The following ACBD7 variants were observed in gnomAD, a reference collection of about 807,000 sequenced individuals.
ACBD7 encodes acyl-CoA-binding domain-containing protein 7.
A neutral mutation model predicts 13.7 loss-of-function variants in ACBD7; 11 were observed. That is an observed-to-expected ratio of 0.80 (90% CI 0.50 to 1.33). ACBD7 has a LOEUF of 1.33. ACBD7 is among the 40% of genes most tolerant of loss of function. The pLI, the probability that ACBD7 is intolerant of heterozygous loss-of-function variation, is 0.00. For synonymous variants in ACBD7, 43 were observed against 37.7 expected (o/e 1.14, Z -0.51); for missense variants, 111 against 103.0 (o/e 1.08, Z -0.33).
chr10:15,088,455 G>A (rs576041752), intron 1 of ACBD7: 51 of 531,582 alleles, frequency 9.6e-5, no homozygotes, highest in African/African-American at 9.5e-4. Flanking sequence ...GGCCCGCTCC[G>A]TGCTCCCCGG....
At chr10:15,083,736 G>T (rs1844775718) in intron 1 of ACBD7, among the ~76,000 whole-genome samples, 1 of 152,208 alleles carries the variant, frequency 6.6e-6, no homozygotes, top group South Asian at 2.1e-4. Context: ...GCCTACCTCT[G>T]CTTCCCAAAG....
At chr10:15,078,645 G>A (rs993502907) in intron 3 of ACBD7, 42 bp from the exon 4 acceptor site, 1 of 1,613,952 alleles carries the variant, frequency 6.2e-7, no homozygotes, top group African/African-American at 1.3e-5. Context: ...TTGGTGCACT[G>A]GGAAATTAAG....
chr10:15,087,332 C>T (rs1283950287), intron 1 of ACBD7, among the ~76,000 whole-genome samples: 1 of 152,210 alleles, frequency 6.6e-6, no homozygotes, highest in Non-Finnish European at 1.5e-5. Flanking sequence ...GAGAGGTTAA[C>T]TATGTCACAG....
At position 15,078,654 on chromosome 10, in the gene ACBD7, A is replaced by T. The variant is rs376499940; in HGVS notation, c.193+37T>A. The T allele has an allele frequency of 1.4e-5, 22 of 1,613,998 alleles. No homozygotes were observed. The African/African-American group carries it at 2.5e-4, about 19-fold the overall frequency. ...CCCTGATTGGTGCACTGGGAAATTAAGAAAGTTTGCTTTAAACTTGTGAAA... is the reference window on the plus strand; with the variant it reads ...CCCTGATTGGTGCACTGGGAAATTATGAAAGTTTGCTTTAAACTTGTGAAA... On this transcript the variant is annotated intron_variant, in intron 3 of 3. Coordinates refer to ENST00000356189, the MANE Select transcript of ACBD7 (RefSeq NM_001039844.3).
Position 15,076,389 on chromosome 10 carries a change from A to G in ACBD7, c.*2141T>C. 1 of 985,126 alleles carries G rather than the reference A, an allele frequency of 1.0e-6. No homozygotes were observed. Among genetic ancestry groups the G allele is most frequent in the Non-Finnish European group, 1.2e-6 (1 of 829,686 alleles). 61.0% of individuals were successfully genotyped at this position (985,126 alleles called of 1,614,324 possible). A position where few individuals can be genotyped will look rare whatever the true frequency, so the allele number is the denominator to read the frequency against. On this transcript the variant is annotated 3_prime_UTR_variant, in exon 4 of 4. Coordinates refer to ENST00000356189, the MANE Select transcript of ACBD7 (RefSeq NM_001039844.3). The stretch of plus-strand genomic sequence containing the variant: ...GTAGTGGTACAGTTTATCACTAGAT[A>G]CATTTTAGTTTGCCTTTTTGTCTTA...
intron 1 of ACBD7, among the ~76,000 whole-genome samples, chr10:15,079,583 GC>G (rs1035404736): frequency 6.8e-6 from 1 of 146,570 alleles, no homozygotes; most frequent in African/African-American, 2.5e-5. Flanking sequence ...TGGTGAGTTT[GC>G]TTTTTTTTTT....
At chr10:15,081,707 G>A (rs1297833441) in intron 1 of ACBD7, among the ~76,000 whole-genome samples, 1 of 152,184 alleles carries the variant, frequency 6.6e-6, no homozygotes, top group East Asian at 1.9e-4. Flanking sequence ...CGGGCTCTCA[G>A]CTTGGTCCAC....
At chr10:15,088,551 G>A (rs1162699053) in intron 1 of ACBD7, 166 bp downstream of exon 1, 2 of 941,030 alleles carry the variant, frequency 2.1e-6, no homozygotes, top group South Asian at 1.9e-5. Flanking sequence ...CCGTCAGCAG[G>A]CACAGGTGCG....
intron 1 of ACBD7, among the ~76,000 whole-genome samples, chr10:15,085,114 G>A (rs1844794603): frequency 6.6e-6 from 1 of 152,208 alleles, no homozygotes; most frequent in Admixed American, 6.5e-5. Flanking sequence ...TCTCCTGAGC[G>A]AGGGGTCCTC....
rs1844709545 is a variant in ACBD7 at position 15,078,519 on chromosome 10, T to A, written c.*11A>T. ...AGTCTTCAAAAGGAAAAATTCCTCA[T>A]ATGCTGTATTCTAAATTCCGTATTT... On this transcript the variant is annotated 3_prime_UTR_variant, in exon 4 of 4. Transcript: ENST00000356189. The A allele has an allele frequency of 6.2e-7, 1 of 1,613,940 alleles. No homozygotes were observed. Among genetic ancestry groups the A allele is most frequent in the Non-Finnish European group, 8.5e-7 (1 of 1,180,036 alleles).
intron 1 of ACBD7, among the ~76,000 whole-genome samples, chr10:15,082,179 G>A (rs554329306): frequency 5.3e-5 from 8 of 151,774 alleles, no homozygotes; most frequent in South Asian, 2.1e-4. Context: ...CCAGCTACTC[G>A]GGAGGCTGAG....
At chr10:15,087,686 G>A (rs1311289181) in intron 1 of ACBD7, among the ~76,000 whole-genome samples, 1 of 152,052 alleles carries the variant, frequency 6.6e-6, no homozygotes, top group African/African-American at 2.4e-5. Flanking sequence ...GCTGAGATAG[G>A]AGAATCACTT....
In ACBD7 at chr10:15,088,622, A is replaced by G. The variant is rs1844837053; in HGVS notation, c.12+95T>C. The stretch of plus-strand genomic sequence containing the variant: ...GGGCGTGTCCCCCGGGTCACCGCCG[A>G]CCGCTCCCAGGGGCGCCAAGCCCAC... On this transcript the variant is annotated intron_variant, in intron 1 of 3. Transcript: ENST00000356189. 3 of 1,499,320 alleles carry G rather than the reference A, an allele frequency of 2.0e-6. 1 individual carries two copies. The Admixed American group carries it at 6.0e-5, about 30-fold the overall frequency. The allele number at this position is 1,499,320 out of a possible 1,614,324, so 92.9% of individuals were successfully genotyped here. A position where few individuals can be genotyped will look rare whatever the true frequency, so the allele number is the denominator to read the frequency against.
At chr10:15,088,449 C>T in intron 1 of ACBD7, 1 of 530,246 alleles carries the variant, frequency 1.9e-6, no homozygotes. Context: ...GGAGGAGGCC[C>T]GCTCCGTGCT....
rs1284225461 is a variant in ACBD7, at chr10:15,078,806, C to A, written c.131-53G>T. The A allele has an allele frequency of 9.5e-6, 15 of 1,572,818 alleles. No homozygotes were observed. In the South Asian group the frequency reaches 1.7e-4, roughly 18 times the overall value. ...CAGGTTAACATTTTACTGTGCACTT[C>A]TATAGACATTGTTCAAACGGAGTAT... On this transcript the variant is annotated intron_variant, in intron 2 of 3. Coordinates refer to ENST00000356189, the MANE Select transcript of ACBD7 (RefSeq NM_001039844.3).
At position 15,076,270 on chromosome 10, in the gene ACBD7, G is replaced by A; in HGVS notation, c.*2260C>T. 2 of 985,278 alleles carry A rather than the reference G, an allele frequency of 2.0e-6. No individual in the cohort carries two copies. Among genetic ancestry groups the A allele is most frequent in the Middle Eastern group, 1.0e-3 (2 of 1,914 alleles). The allele number at this position is 985,278 out of a possible 1,614,324, so 61.0% of individuals were successfully genotyped here. A position where few individuals can be genotyped will look rare whatever the true frequency, so the allele number is the denominator to read the frequency against. The stretch of plus-strand genomic sequence containing the variant: ...TAACATGAGACTGTCTTCTTTCAAA[G>A]AGCCTGTGTACCATCCAGAAAGACT... On this transcript the variant is annotated 3_prime_UTR_variant, in exon 4 of 4. Coordinates refer to ENST00000356189, the MANE Select transcript of ACBD7 (RefSeq NM_001039844.3).
At chr10:15,083,771 C>T (rs1397302324) in intron 1 of ACBD7, among the ~76,000 whole-genome samples, 2 of 152,218 alleles carry the variant, frequency 1.3e-5, no homozygotes, top group African/African-American at 2.4e-5. Flanking sequence ...GCGTGAGCCA[C>T]GATGCCCGGC....
Position 15,078,240 on chromosome 10 carries a change from T to A in ACBD7, c.*290A>T, listed in dbSNP as rs1052201752. 2 of 671,466 alleles carry A rather than the reference T, an allele frequency of 3.0e-6. No individual in the cohort carries two copies. The highest frequency in any genetic ancestry group is 3.9e-6 in the Non-Finnish European group (2 of 508,166). The allele number at this position is 671,466 out of a possible 1,614,324, so 41.6% of individuals were successfully genotyped here. A position where few individuals can be genotyped will look rare whatever the true frequency, so the allele number is the denominator to read the frequency against. On this transcript the variant is annotated 3_prime_UTR_variant, in exon 4 of 4. Transcript: ENST00000356189. ...TTGCTGAGAATGATGGTTTCCAGCT[T>A]CATCCATGTCCCTGCAAAGGACATG...
intron 1 of ACBD7, among the ~76,000 whole-genome samples, chr10:15,083,456 T>C (rs1844772569): frequency 6.6e-6 from 1 of 152,198 alleles, no homozygotes; most frequent in South Asian, 2.1e-4. Context: ...TATCAGCCTC[T>C]TTTTGTGCTA....
Sources: gnomAD v4.1 joint callset for allele counts (sites outside exome capture counted in the v4.1 genomes callset) on GRCh38, gnomAD v4.1.1 for gene constraint, MANE v1.5 for transcripts, NCBI Gene and HGNC (gene_info 2026-07-23, HGNC 2026-07-21) for gene names.